The following OTUD7B variants were observed in gnomAD, a reference collection of about 807,000 sequenced individuals.
OTUD7B encodes the protein OTU deubiquitinase 7B.
A neutral mutation model predicts 82.2 loss-of-function variants in OTUD7B; 34 were observed. That is an observed-to-expected ratio of 0.41 (90% confidence interval 0.31 to 0.55). The LOEUF (loss-of-function observed/expected upper bound fraction) is 0.55. OTUD7B is among the 20% of genes least tolerant of loss of function. The pLI, the probability that OTUD7B is intolerant of heterozygous loss-of-function variation, is 0.20. For missense variants in OTUD7B, 944 were observed against 1,062.1 expected (o/e 0.89, Z 1.55); for synonymous variants, 398 against 402.7 (o/e 0.99, Z 0.14).
At chr1:149,967,623 G>C in intron 3 of OTUD7B, 102 bp from the exon 4 acceptor site, 1 of 811,402 alleles carries the variant, frequency 1.2e-6, no homozygotes. Context: ...TACAGTCAGA[G>C]AAAAACTAAG....
At chr1:149,991,687 T>C (rs1553782118) in intron 1 of OTUD7B, among the ~76,000 whole-genome samples, 1 of 152,200 alleles carries the variant, frequency 6.6e-6, no homozygotes, top group African/African-American at 2.4e-5. Context: ...GAGCTAACTA[T>C]AGTAAAACTG....
Position 149,994,584 on chromosome 1 carries a change from CAAA to C in OTUD7B, c.-67+15861_-67+15863del, listed in dbSNP as rs796210721. On this transcript the variant is annotated intron_variant, in intron 1 of 11. Transcript: ENST00000581312. ...CTGGTGACAGAGCAAGACTCCATCT[CAAA>C]AAAAAAAAAAAAAAAAAAACCCAAT... Among the ~76,000 whole-genome samples, 157 of 41,082 alleles carry C rather than the reference CAAA, an allele frequency of 3.8e-3. 2 individuals are homozygous for C. The highest frequency in any genetic ancestry group is 0.012 in the African/African-American group (146 of 12,368). 27.0% of individuals were successfully genotyped at this position (41,082 alleles called of 152,430 possible).
intron 3 of OTUD7B, among the ~76,000 whole-genome samples, chr1:149,969,186 G>T (rs1208071936): frequency 6.6e-6 from 1 of 152,080 alleles, no homozygotes; most frequent in African/African-American, 2.4e-5. Context: ...AGCTAGGTGA[G>T]GTGGTGCGTG....
chr1:149,953,860 G>C (rs976887455), intron 7 of OTUD7B, among the ~76,000 whole-genome samples: 11 of 152,032 alleles, frequency 7.2e-5, no homozygotes, highest in Admixed American at 5.9e-4. Flanking sequence ...GTCTATTATT[G>C]GTGTATAGGA....
the OTUD7B span, among the ~76,000 whole-genome samples, chr1:150,032,689 G>T: frequency 2.2e-5 from 3 of 139,178 alleles, no homozygotes; most frequent in Non-Finnish European, 4.9e-5. Flanking sequence ...ATAAGAAGAA[G>T]AAGAAGGAGG....
At chr1:150,026,150 A>G in the OTUD7B span, among the ~76,000 whole-genome samples, 320 of 152,308 alleles carry the variant, frequency 2.1e-3, no homozygotes, top group Non-Finnish European at 3.8e-3. Context: ...CAGTTTAAGA[A>G]CACTTCCTGG....
chr1:150,065,560 C>T, the OTUD7B span, among the ~76,000 whole-genome samples: 40,049 of 152,024 alleles, frequency 0.26, 7,977 homozygotes, highest in African/African-American at 0.56. Context: ...TTATAGTTTA[C>T]TTATACCCTA....
At chr1:149,996,187 T>C (rs1380622743) in intron 1 of OTUD7B, among the ~76,000 whole-genome samples, 4 of 152,216 alleles carry the variant, frequency 2.6e-5, no homozygotes, top group Non-Finnish European at 5.9e-5. Flanking sequence ...AACATTCTCC[T>C]AGTTCTCAAA....
chr1:150,024,278 G>A, the OTUD7B span, among the ~76,000 whole-genome samples: 20 of 152,082 alleles, frequency 1.3e-4, no homozygotes, highest in Non-Finnish European at 2.9e-4. Context: ...ATGAGACCAG[G>A]GCATATAATA....
In OTUD7B at chr1:149,944,582, T is replaced by A. The variant is rs781873761; in HGVS notation, c.1807A>T (p.Met603Leu). ...MQSLSILRTA[M>L]QGEGKFIFVG... ...AAAATAAACTTCCCCTCCCCTTGCA[T>A]GGCAGTCCTCAGAATGCTCAGGCTC... Residue 603 changes from methionine to leucine, a missense_variant, in exon 12 of 12, where the codon ATG becomes TTG. By Grantham distance (15) the Met-to-Leu change is conservative. Transcript: ENST00000581312. 3 of 1,614,028 alleles carry A rather than the reference T, an allele frequency of 1.9e-6. No homozygotes were observed. The highest frequency in any genetic ancestry group is 8.5e-7 in the Non-Finnish European group (1 of 1,180,040).
chr1:150,012,348 A>G (rs1553787631), upstream of OTUD7B, among the ~76,000 whole-genome samples: 2 of 152,184 alleles, frequency 1.3e-5, no homozygotes, highest in Non-Finnish European at 1.5e-5. Context: ...AAAATACTTT[A>G]GAATGAAAAG....
chr1:149,944,803 C>T lies in OTUD7B; in HGVS notation c.1586G>A (p.Gly529Asp). 6.2e-7 allele frequency: 1 copy of T among 1,614,152 alleles called. No homozygotes were observed. The highest frequency in any genetic ancestry group is 8.5e-7 in the Non-Finnish European group (1 of 1,180,030). ...TGTCCCCACCCCTCCAGGCTTTGAA[C>T]CCTTGCTGTGCATCAGGCCCCCCAT... ...KNMGGLMHSK[G>D]SKPGGVGTGL... The change falls in exon 12 of 12, where the codon GGT (glycine) becomes GAT (aspartate). Residue 529 changes from glycine to aspartate, a missense_variant. Around this residue, in one of 3 missense-constraint regions of OTUD7B, gnomAD observed 412 missense variants for 418.7 expected, o/e 0.98. Transcript: ENST00000581312.
At chr1:150,029,784 T>A in the OTUD7B span, among the ~76,000 whole-genome samples, 4 of 152,202 alleles carry the variant, frequency 2.6e-5, no homozygotes, top group Non-Finnish European at 4.4e-5. Context: ...TCTCCAAAGA[T>A]GCTGTCGTCT....
intron 11 of OTUD7B, among the ~76,000 whole-genome samples, chr1:149,945,936 T>G (rs1245512922): frequency 6.6e-6 from 1 of 151,832 alleles, no homozygotes; most frequent in African/African-American, 2.4e-5. Context: ...GGTGCATGTC[T>G]GTAATCCCAG....
chr1:150,006,185 C>G (rs1652651939), intron 1 of OTUD7B, among the ~76,000 whole-genome samples: 1 of 152,156 alleles, frequency 6.6e-6, no homozygotes, highest in African/African-American at 2.4e-5. Context: ...CGGCCCGGCA[C>G]ACTGGCTCAC....
At chr1:150,067,014 T>G in the OTUD7B span, 1 of 152,326 alleles carries the variant, frequency 6.6e-6, no homozygotes, top group East Asian at 1.9e-4. Flanking sequence ...CAGAGTCCAA[T>G]TGCTCAGAGC....
intron 1 of OTUD7B, among the ~76,000 whole-genome samples, chr1:149,992,034 C>T (rs1173176071): frequency 3.3e-5 from 5 of 152,142 alleles, no homozygotes; most frequent in African/African-American, 1.2e-4. Flanking sequence ...TCGAGACCAT[C>T]CTAGCCAACA....
At chr1:150,018,327 A>C in the OTUD7B span, among the ~76,000 whole-genome samples, 1 of 152,212 alleles carries the variant, frequency 6.6e-6, no homozygotes, top group Admixed American at 6.5e-5. Context: ...CCAAATAATG[A>C]AACTGGGCAG....
At chr1:150,064,073 G>T in the OTUD7B span, among the ~76,000 whole-genome samples, 2 of 152,124 alleles carry the variant, frequency 1.3e-5, no homozygotes, top group Non-Finnish European at 2.9e-5. Context: ...TCTTGTCAAT[G>T]GGAAATACAT....
Sources: gnomAD v4.1 joint callset for allele counts (sites outside exome capture counted in the v4.1 genomes callset) on GRCh38, gnomAD v4.1.1 for gene constraint, gnomAD v4.1.1 regional missense constraint, MANE v1.5 for transcripts, NCBI Gene and HGNC (gene_info 2026-07-23, HGNC 2026-07-21) for gene names.